The following HERC2 variants were observed in gnomAD, a reference collection of about 807,000 sequenced individuals.
HERC2 encodes the protein HECT and RLD domain containing E3 ubiquitin protein ligase 2.
Under a neutral mutation model 537.7 loss-of-function variants are expected in HERC2, and 102 were observed. The ratio of observed to expected loss-of-function variants is 0.19; its 90% CI spans 0.16 to 0.22. The LOEUF is 0.22. HERC2 is among the 10% of genes least tolerant of loss of function. The probability of loss-of-function intolerance (pLI) is 1.00; values close to 1 mark genes in which losing one functional copy is unlikely to be tolerated. For missense variants in HERC2, 4,236 were observed against 6,198.2 expected, an observed-to-expected ratio of 0.68 and a Z score of 10.63; for synonymous variants, 2,224 against 2,466.2, an observed-to-expected ratio of 0.90 and a Z score of 2.91.
chr15:28,218,545 T>C lies in HERC2; in HGVS notation c.5972A>G (p.Lys1991Arg). ...CATTCGCAGCAGTCCGCATAAAGTC[T>C]TGGTGGCTTCGCTCTGCATGATCTC... ...HAEIMQSEAT[K>R]TLCGLLRMLV... The change falls in exon 38 of 93, where the codon AAG becomes AGG. Residue 1991 changes from lysine to arginine, a missense_variant. Around this residue, in one of 27 missense-constraint regions of HERC2, gnomAD observed 365 missense variants for 468.8 expected, o/e 0.78. Transcript: ENST00000261609. 5.6e-6 allele frequency: 9 copies of C among 1,597,844 alleles called. No individual in the cohort carries two copies. Among genetic ancestry groups the C allele is most frequent in the Non-Finnish European group, 7.6e-6 (9 of 1,179,768 alleles).
rs766419281 is a variant in HERC2 at position 28,256,171 on chromosome 15, G to A, written c.2664C>T (p.Ala888=). 96 of 1,601,502 alleles carry A rather than the reference G, an allele frequency of 6.0e-5. No homozygotes were observed. The highest frequency in any genetic ancestry group is 1.2e-4 in the South Asian group (11 of 91,024). Residue 888 remains alanine, a synonymous_variant, in exon 18 of 93, where the codon GCC becomes GCT. Transcript: ENST00000261609. ...VLSTVQSAAQ[A]VLQSGWSVLL... ...GCACGGACCAGCCACTCTGCAGCAC[G>A]GCCTGGGCGGCCGACTGCACGGTGC...
Position 28,233,809 on chromosome 15 carries a change from C to G in HERC2, c.4219-13G>C, listed in dbSNP as rs771677258. The G allele has an allele frequency of 1.2e-5, 19 of 1,611,828 alleles. No homozygotes were observed. The highest frequency in any genetic ancestry group is 1.7e-5 in the Admixed American group (1 of 59,980). ...GACACAAAAAGTCCTGCAACAGAAA[C>G]AGCTGGAAGTAACTTCAGAGCCACC... On this transcript the variant is annotated splice_polypyrimidine_tract_variant and intron_variant, in intron 27 of 92. Transcript: ENST00000261609.
intron 83 of HERC2, among the ~76,000 whole-genome samples, chr15:28,126,885 CAT>C (rs1251599734): frequency 6.6e-6 from 1 of 152,146 alleles, no homozygotes; most frequent in Non-Finnish European, 1.5e-5. Context: ...TAAAAAATAA[CAT>C]AAAAAAAGAA....
Position 28,204,425 on chromosome 15 carries a change from G to C in HERC2, c.7213-1811C>G, listed in dbSNP as rs186082927. Reference sequence around the variant, plus strand: ...TCATGAGGTCAGGAGTTCGAGACCAGCCTGGCCAACATGGTAAAACCCCAT... The same window carrying C: ...TCATGAGGTCAGGAGTTCGAGACCACCCTGGCCAACATGGTAAAACCCCAT... On this transcript the variant is annotated intron_variant, in intron 45 of 92. Coordinates refer to ENST00000261609, the MANE Select transcript of HERC2 (RefSeq NM_004667.6). 2.0e-5 allele frequency among the ~76,000 whole-genome samples: 3 copies of C among 152,254 alleles called. No homozygotes were observed. In the East Asian group the frequency reaches 5.8e-4, roughly 29 times the overall value.
At chr15:28,256,930 G>A in intron 17 of HERC2, 131 bp downstream of exon 17, 3 of 787,690 alleles carry the variant, frequency 3.8e-6, no homozygotes, top group East Asian at 2.6e-5. Flanking sequence ...TCCATTATTA[G>A]TGCATTACAA....
Position 28,115,438 on chromosome 15 carries a change from G to A in HERC2, c.13713C>T (p.Asp4571=), listed in dbSNP as rs1402125442. ...QLAGMSLTIA[D]LSEVDKDFIP... is the part of the protein sequence containing the mutation. ...CGCCCCAGGGAGTTACCTCACTGAG[G>A]TCCGCGATGGTGAGGCTCATCCCAG... Residue 4571 remains aspartate, a synonymous_variant, in exon 89 of 93, where the codon GAC becomes GAT. Coordinates refer to ENST00000261609, the MANE Select transcript of HERC2 (RefSeq NM_004667.6). 6.2e-7 allele frequency: 1 copy of A among 1,613,388 alleles called. No individual in the cohort carries two copies. Among genetic ancestry groups the A allele is most frequent in the East Asian group, 2.2e-5 (1 of 44,866 alleles).
At chr15:28,194,620 G>C (rs1000125755) in intron 52 of HERC2, among the ~76,000 whole-genome samples, 1 of 151,756 alleles carries the variant, frequency 6.6e-6, no homozygotes, top group Non-Finnish European at 1.5e-5. Flanking sequence ...GAGCCACTGT[G>C]CCTGGCCGAT....
intron 70 of HERC2, among the ~76,000 whole-genome samples, chr15:28,149,594 G>A (rs572682222): frequency 4.4e-4 from 67 of 150,802 alleles, no homozygotes; most frequent in African/African-American, 1.5e-3. Context: ...AAAAACACAC[G>A]CGGCTCCTAA....
chr15:28,139,714 T>C (rs1171765546), intron 78 of HERC2, among the ~76,000 whole-genome samples: 1 of 152,196 alleles, frequency 6.6e-6, no homozygotes, highest in Non-Finnish European at 1.5e-5. Flanking sequence ...CCAAAGAATG[T>C]AAGTTTGTTT....
chr15:28,174,682 A>C (rs1895072209), intron 64 of HERC2, 62 bp from the exon 65 acceptor site: 1 of 1,242,348 alleles, frequency 8.0e-7, no homozygotes, highest in Non-Finnish European at 1.1e-6. Context: ...TCTTTAATGT[A>C]ATTTTTACTT....
chr15:28,233,951 C>T, intron 27 of HERC2, 119 bp downstream of exon 27: 1 of 661,552 alleles, frequency 1.5e-6, no homozygotes, highest in Non-Finnish European at 2.7e-6. Flanking sequence ...CAAAACCCTC[C>T]AAATAATACA....
intron 57 of HERC2, 89 bp downstream of exon 57, chr15:28,182,312 T>C (rs1370978934): frequency 1.1e-5 from 9 of 798,076 alleles, no homozygotes; most frequent in Non-Finnish European, 1.9e-5. Context: ...CAATACAACA[T>C]ATAGAGAGTA....
intron 86 of HERC2, chr15:28,117,590 G>C: frequency 2.1e-6 from 1 of 467,216 alleles, no homozygotes; most frequent in Admixed American, 2.3e-5. Flanking sequence ...CAGCAGACCA[G>C]AACAGACTCC....
intron 83 of HERC2, among the ~76,000 whole-genome samples, chr15:28,126,321 T>C (rs930381344): frequency 3.3e-5 from 5 of 152,230 alleles, no homozygotes; most frequent in Non-Finnish European, 5.9e-5. Flanking sequence ...TGGAAAAGTA[T>C]GGAGATTCCT....
intron 70 of HERC2, among the ~76,000 whole-genome samples, chr15:28,150,564 C>A (rs1205359706): frequency 1.3e-5 from 2 of 150,898 alleles, no homozygotes; most frequent in Non-Finnish European, 2.9e-5. Flanking sequence ...AAAAAACACA[C>A]GCGGCTTCTA....
intron 35 of HERC2, among the ~76,000 whole-genome samples, chr15:28,226,437 G>A (rs536507233): frequency 2.0e-5 from 3 of 151,754 alleles, no homozygotes; most frequent in African/African-American, 4.9e-5. Flanking sequence ...TAATGTAATT[G>A]AGAGTCCAGA....
At chr15:28,223,424 A>C (rs1196507670) in intron 35 of HERC2, among the ~76,000 whole-genome samples, 1 of 152,158 alleles carries the variant, frequency 6.6e-6, no homozygotes, top group African/African-American at 2.4e-5. Context: ...CAAGAGAGCA[A>C]CAAAGGATAT....
At position 28,124,987 on chromosome 15, in the gene HERC2, C is replaced by G. The variant is rs1260113231; in HGVS notation, c.12990+19G>C. On this transcript the variant is annotated intron_variant, in intron 84 of 92. Coordinates refer to ENST00000261609, the MANE Select transcript of HERC2 (RefSeq NM_004667.6). ...CACACTTTGCTTGCCCCCGACCCAC[C>G]CAACCTGCCCGGACTCACCTGTGCA... is the stretch of plus-strand genomic sequence containing the variant. 16 of 1,579,278 alleles carry G rather than the reference C, an allele frequency of 1.0e-5. No homozygotes were observed. Among genetic ancestry groups the G allele is most frequent in the Non-Finnish European group, 1.4e-5 (16 of 1,152,338 alleles).
In HERC2 at chr15:28,141,561, C is replaced by T. The variant is rs1891226315; in HGVS notation, c.11886G>A (p.Arg3962=). The change falls in exon 78 of 93, where the codon AGG becomes AGA. Residue 3962 remains arginine, a synonymous_variant. Coordinates refer to ENST00000261609, the MANE Select transcript of HERC2 (RefSeq NM_004667.6). Reference sequence around the variant, plus strand: ...CGCCTTCAATGCCCCCGAGCTGGCCCCTGTGATTATGTCCCCATCCATAAA... The same window carrying T: ...CGCCTTCAATGCCCCCGAGCTGGCCTCTGTGATTATGTCCCCATCCATAAA... ...GTIYGWGHNH[R]GQLGGIEGAK... The T allele has an allele frequency of 1.9e-6, 3 of 1,614,164 alleles. No homozygotes were observed. Among genetic ancestry groups the T allele is most frequent in the South Asian group, 2.2e-5 (2 of 91,082 alleles).
Sources: allele counts gnomAD v4.1 joint callset (sites outside exome capture counted in the v4.1 genomes callset), GRCh38; gene constraint gnomAD v4.1.1; regional missense constraint gnomAD v4.1.1; transcripts MANE v1.5; gene names NCBI Gene and HGNC (gene_info 2026-07-23, HGNC 2026-07-21).